The following FAM13A variants were observed in gnomAD, a reference collection of about 807,000 sequenced individuals.
FAM13A encodes family with sequence similarity 13 member A.
In FAM13A, 76 loss-of-function variants were observed where a neutral mutation model predicts 129.6. The ratio of observed to expected loss-of-function variants is 0.59; its 90% CI spans 0.49 to 0.71. FAM13A has a LOEUF of 0.71. Ranked by LOEUF, FAM13A falls within the 30% of genes least tolerant of loss-of-function variation. The pLI is 0.00. For synonymous variants in FAM13A, 443 were observed against 449.9 expected (o/e 0.98, Z 0.20); for missense variants, 1,108 against 1,249.3 (o/e 0.89, Z 1.70).
Position 88,958,674 on chromosome 4 carries a change from T to C in FAM13A, c.606-20433A>G, listed in dbSNP as rs553628083. Among the ~76,000 whole-genome samples the C allele has an allele frequency of 1.2e-4, 18 of 152,306 alleles. No homozygotes were observed. In the South Asian group the frequency reaches 3.5e-3, roughly 30 times the overall value. On this transcript the variant is annotated intron_variant, in intron 4 of 23. Coordinates refer to ENST00000264344, the MANE Select transcript of FAM13A (RefSeq NM_014883.4). ...TTGAGCCCTCAGAGAGAACTTCTACTAGGACAGTGTGGAGGGGAAACGTGG... is the reference window on the plus strand; with the variant it reads ...TTGAGCCCTCAGAGAGAACTTCTACCAGGACAGTGTGGAGGGGAAACGTGG...
Position 89,042,814 on chromosome 4 carries a change from A to G in FAM13A, c.28-13165T>C, listed in dbSNP as rs937858107. 3.3e-5 allele frequency among the ~76,000 whole-genome samples: 5 copies of G among 152,340 alleles called. No homozygotes were observed. The East Asian group carries it at 5.8e-4, about 18-fold the overall frequency. On this transcript the variant is annotated intron_variant, in intron 1 of 23. Transcript: ENST00000264344. ...CAAAAAATTATTTAAAATTGCTTAA[A>G]TCGCCTTATAGCTCACAAATTAAGT...
intron 4 of FAM13A, among the ~76,000 whole-genome samples, chr4:88,955,824 T>C (rs570391259): frequency 6.6e-6 from 1 of 152,154 alleles, no homozygotes; most frequent in East Asian, 1.9e-4. Context: ...TGGTTTGGAA[T>C]TGGAACTTAT....
At chr4:88,740,146 C>CT (rs1356837295) in intron 19 of FAM13A, among the ~76,000 whole-genome samples, 1 of 152,198 alleles carries the variant, frequency 6.6e-6, no homozygotes, top group Non-Finnish European at 1.5e-5. Flanking sequence ...CCATGGCTTC[C>CT]TCTTTGCTCT....
At chr4:88,995,252 G>A (rs1763406877) in intron 3 of FAM13A, among the ~76,000 whole-genome samples, 1 of 151,194 alleles carries the variant, frequency 6.6e-6, no homozygotes, top group Non-Finnish European at 1.5e-5. Context: ...CCACCATGGG[G>A]AAGGCATTAA....
At position 88,744,857 on chromosome 4, in the gene FAM13A, C is replaced by T. The variant is rs150079069; in HGVS notation, c.2466+2075G>A. ...CCCTGGACCAGAAATTAATGACACT[C>T]AAATTTCCTAGAGCATTTGTTCCCC... is the stretch of plus-strand genomic sequence containing the variant. On this transcript the variant is annotated intron_variant, in intron 19 of 23. Coordinates refer to ENST00000264344, the MANE Select transcript of FAM13A (RefSeq NM_014883.4). 4.4e-3 allele frequency among the ~76,000 whole-genome samples: 674 copies of T among 152,210 alleles called. 1 individual carries two copies. The highest frequency in any genetic ancestry group is 6.5e-3 in the Non-Finnish European group (441 of 68,008).
chr4:88,983,606 T>C (rs915454415), intron 4 of FAM13A, among the ~76,000 whole-genome samples: 2 of 152,080 alleles, frequency 1.3e-5, no homozygotes, highest in African/African-American at 2.4e-5. Flanking sequence ...ATTGCAAAAC[T>C]TGTACCCTGA....
At chr4:88,906,021 C>T (rs1308597032) in intron 6 of FAM13A, among the ~76,000 whole-genome samples, 1 of 152,188 alleles carries the variant, frequency 6.6e-6, no homozygotes, top group African/African-American at 2.4e-5. Context: ...GGCATGGTGG[C>T]TCACGCCTGT....
At chr4:88,860,114 C>T (rs920487899) in intron 6 of FAM13A, among the ~76,000 whole-genome samples, 8 of 152,022 alleles carry the variant, frequency 5.3e-5, no homozygotes, top group African/African-American at 1.7e-4. Context: ...TTAAGTGGAC[C>T]AAAAATAATA....
Position 88,781,152 on chromosome 4 carries a change from C to A in FAM13A, c.1458+13G>T. 6.5e-7 allele frequency: 1 copy of A among 1,538,704 alleles called. No homozygotes were observed. The highest frequency in any genetic ancestry group is 8.8e-7 in the Non-Finnish European group (1 of 1,131,434). On this transcript the variant is annotated intron_variant, in intron 11 of 23. Transcript: ENST00000264344. The stretch of plus-strand genomic sequence containing the variant: ...TTCCTAACAAGTAAAACTTTATAGA[C>A]GTATTCACTTACCACAAGACCGTCC...
At chr4:88,845,115 T>C (rs1413685781) in intron 7 of FAM13A, among the ~76,000 whole-genome samples, 1 of 151,512 alleles carries the variant, frequency 6.6e-6, no homozygotes, top group Non-Finnish European at 1.5e-5. Context: ...AACCACAAGG[T>C]GATGGAGACC....
intron 14 of FAM13A, chr4:88,753,712 C>G: frequency 1.9e-6 from 1 of 517,652 alleles, no homozygotes; most frequent in Non-Finnish European, 2.5e-6. Flanking sequence ...ATGTAATACA[C>G]AGTTCAGTAT....
At chr4:89,033,692 G>A (rs946130003) in intron 1 of FAM13A, among the ~76,000 whole-genome samples, 7 of 152,164 alleles carry the variant, frequency 4.6e-5, no homozygotes, top group African/African-American at 9.7e-5. Context: ...TAAAGATGGC[G>A]TTCATCAATA....
intron 8 of FAM13A, among the ~76,000 whole-genome samples, chr4:88,801,231 ATT>A (rs1467329716): frequency 6.6e-6 from 1 of 152,286 alleles, no homozygotes; most frequent in South Asian, 2.1e-4. Flanking sequence ...AGCCAAAGTC[ATT>A]TTTTTCTTTA....
At chr4:88,783,238 G>T (rs183252131) in intron 10 of FAM13A, among the ~76,000 whole-genome samples, 1 of 150,968 alleles carries the variant, frequency 6.6e-6, no homozygotes, top group African/African-American at 2.4e-5. Flanking sequence ...CTATGTTTTC[G>T]TATCCATTAA....
rs181936970 is a variant in FAM13A, at chr4:89,022,603, G to A, written c.218-1934C>T. Among the ~76,000 whole-genome samples the A allele has an allele frequency of 7.2e-5, 11 of 152,210 alleles. No individual in the cohort carries two copies. The South Asian group carries it at 1.0e-3, about 14-fold the overall frequency. ...ATAGTTCCCATGATCCCCACTTCTC[G>A]TACCACACCCATTATAATCCCCTCT... On this transcript the variant is annotated intron_variant, in intron 2 of 23. Coordinates refer to ENST00000264344, the MANE Select transcript of FAM13A (RefSeq NM_014883.4).
At chr4:88,844,535 A>G (rs146988825) in intron 7 of FAM13A, among the ~76,000 whole-genome samples, 158 of 152,350 alleles carry the variant, frequency 1.0e-3, no homozygotes, top group African/African-American at 3.7e-3. Context: ...TAAAGCAAAT[A>G]TCAAGACAAA....
chr4:88,822,882 T>C (rs1284417270), intron 7 of FAM13A: 5 of 1,547,594 alleles, frequency 3.2e-6, no homozygotes, highest in Middle Eastern at 2.0e-4. Flanking sequence ...CTTTGCAGCA[T>C]GTTACTAAAA....
At position 88,901,123 on chromosome 4, in the gene FAM13A, G is replaced by T. The variant is rs545797895; in HGVS notation, c.843+5256C>A. ...CCTAAATATATATGCACCCAATACA[G>T]GAGCACCCAGATTCATAAAGCAAGT... On this transcript the variant is annotated intron_variant, in intron 6 of 23. Transcript: ENST00000264344. Among the ~76,000 whole-genome samples the T allele has an allele frequency of 4.6e-5, 7 of 152,182 alleles. No individual in the cohort carries two copies. In the East Asian group the frequency reaches 1.2e-3, roughly 25 times the overall value.
chr4:88,925,558 G>C, intron 5 of FAM13A, among the ~76,000 whole-genome samples: 1 of 129,074 alleles, frequency 7.7e-6, no homozygotes, highest in East Asian at 2.7e-4. Context: ...ACTGTTGTGG[G>C]GTGGGGGGAG....
Sources: gnomAD v4.1 joint callset for allele counts (sites outside exome capture counted in the v4.1 genomes callset) on GRCh38, gnomAD v4.1.1 for gene constraint, MANE v1.5 for transcripts, NCBI Gene and HGNC (gene_info 2026-07-23, HGNC 2026-07-21) for gene names.